CA8: variants seen among roughly 807,000 people sequenced by gnomAD.
The protein encoded by CA8 is carbonic anhydrase 8 (inactive).
CA8 carries 22 observed loss-of-function variants against 41.4 expected under a neutral mutation model. That is an observed-to-expected ratio of 0.53 (90% CI 0.38 to 0.76). The LOEUF (loss-of-function observed/expected upper bound fraction) is 0.76. CA8 is among the 30% of genes least tolerant of loss of function. The pLI is 0.00. For missense variants in CA8, 270 were observed against 352.8 expected (o/e 0.77, Z 1.88); for synonymous variants, 121 against 130.6 (o/e 0.93, Z 0.50).
chr8:60,248,348 C>G (rs1445370883), intron 3 of CA8, among the ~76,000 whole-genome samples: 3 of 152,214 alleles, frequency 2.0e-5, no homozygotes, highest in East Asian at 3.9e-4. Context: ...CTGAATGGTA[C>G]TGCCTTGGTT....
intron 3 of CA8, among the ~76,000 whole-genome samples, chr8:60,237,861 C>T (rs893798555): frequency 1.3e-5 from 2 of 152,240 alleles, no homozygotes; most frequent in East Asian, 3.8e-4. Flanking sequence ...AACTCTTCCC[C>T]CCAGCCCACC....
chr8:60,202,848 A>G (rs1414938362), intron 8 of CA8, among the ~76,000 whole-genome samples: 2 of 152,190 alleles, frequency 1.3e-5, no homozygotes, highest in African/African-American at 2.4e-5. Flanking sequence ...ATACTATACC[A>G]TACCCTCTTG....
At chr8:60,241,748 T>TAA (rs551527814) in intron 3 of CA8, among the ~76,000 whole-genome samples, 11 of 144,988 alleles carry the variant, frequency 7.6e-5, no homozygotes, top group East Asian at 2.0e-4. Flanking sequence ...TTTTATTTTC[T>TAA]AAAAAAAAAA....
intron 8 of CA8, among the ~76,000 whole-genome samples, chr8:60,200,262 C>A (rs1322178142): frequency 3.3e-5 from 5 of 152,304 alleles, no homozygotes; most frequent in East Asian, 1.9e-4. Flanking sequence ...AAATAAATTT[C>A]TGTTGCTTAG....
chr8:60,258,118 G>A (rs374267962), intron 3 of CA8, among the ~76,000 whole-genome samples: 2 of 152,132 alleles, frequency 1.3e-5, no homozygotes, highest in African/African-American at 2.4e-5. Context: ...CACTGTACAC[G>A]CTCCCTGCCC....
intron 8 of CA8, among the ~76,000 whole-genome samples, chr8:60,190,957 T>TATATATATATATATATAC (rs1554573722): frequency 3.1e-4 from 32 of 104,236 alleles, no homozygotes; most frequent in African/African-American, 1.0e-3. Context: ...TATATATATA[T>TATATATATATATATATAC]ACACACACAC....
chr8:60,281,117 C>G lies in CA8; in HGVS notation c.31G>C (p.Val11Leu), dbSNP rs1393483372. MADLSFIEDT[V>L]AFPEKEEDEE... ...TCCTCTTCCTTCTCGGGGAAGGCGA[C>G]GGTATCTTCGATGAAGCTCAGGTCC... Residue 11 changes from valine (V) to leucine (L), a missense_variant, in exon 1 of 9, where the codon GTC (valine) becomes CTC (leucine). Val to Leu is a conservative substitution (Grantham distance 32, BLOSUM62 1). Coordinates refer to ENST00000317995, the MANE Select transcript of CA8 (RefSeq NM_004056.6). 5.0e-6 allele frequency: 8 copies of G among 1,594,104 alleles called. No individual in the cohort carries two copies. Among genetic ancestry groups the G allele is most frequent in the Non-Finnish European group, 6.8e-6 (8 of 1,171,716 alleles).
chr8:60,230,845 A>C (rs1358064829), intron 4 of CA8, among the ~76,000 whole-genome samples: 1 of 152,234 alleles, frequency 6.6e-6, no homozygotes, highest in Non-Finnish European at 1.5e-5. Flanking sequence ...TCACCTGTTA[A>C]ATGCTAAGAA....
chr8:60,226,439 T>C (rs944111451), intron 5 of CA8, among the ~76,000 whole-genome samples: 3 of 152,188 alleles, frequency 2.0e-5, no homozygotes, highest in African/African-American at 4.8e-5. Flanking sequence ...ATGTGACTTA[T>C]GGCGAAGAGG....
chr8:60,208,864 C>T lies in CA8; in HGVS notation c.794G>A (p.Gly265Asp). The change falls in exon 8 of 9, where the codon GGC becomes GAC. Residue 265 changes from glycine (G) to aspartate (D), a missense_variant. Physicochemically the swap from Gly to Asp is moderately conservative, Grantham distance 94. Around this residue, in one of 3 missense-constraint regions of CA8, gnomAD observed 141 missense variants for 191.6 expected, o/e 0.74. Coordinates refer to ENST00000317995, the MANE Select transcript of CA8 (RefSeq NM_004056.6). ...GTTGTCTCCCAAAATCCCATCACAG[C>T]CTTCCACAAGTTCTGCCCCCTTAAC... ...THVKGAELVE[G>D]CDGILGDNFR... The T allele has an allele frequency of 1.2e-6, 2 of 1,614,126 alleles. No homozygotes were observed. The highest frequency in any genetic ancestry group is 1.7e-6 in the Non-Finnish European group (2 of 1,180,010).
intron 7 of CA8, among the ~76,000 whole-genome samples, chr8:60,218,319 A>G (rs1220233512): frequency 6.8e-6 from 1 of 147,736 alleles, no homozygotes; most frequent in Non-Finnish European, 1.5e-5. Context: ...TTTTTTTTTT[A>G]TGTACACCTA....
At position 60,281,139 on chromosome 8, in the gene CA8, G is replaced by A. The variant is rs1227660677; in HGVS notation, c.9C>T (p.Asp3=). 5 of 1,569,490 alleles carry A rather than the reference G, an allele frequency of 3.2e-6. No homozygotes were observed. The Admixed American group carries it at 7.3e-5, about 23-fold the overall frequency. MA[D]LSFIEDTVAF... ...CGACGGTATCTTCGATGAAGCTCAG[G>A]TCCGCCATGGGAAGGCCGCGGGGCC... The change falls in exon 1 of 9, where the codon GAC becomes GAT. Residue 3 remains aspartate, a synonymous_variant. Transcript: ENST00000317995.
intron 7 of CA8, among the ~76,000 whole-genome samples, chr8:60,212,155 G>A (rs1442612523): frequency 2.0e-5 from 3 of 152,128 alleles, no homozygotes; most frequent in Admixed American, 2.0e-4. Context: ...TTCTTTGAAC[G>A]ACAGGTGCAC....
Position 60,188,576 on chromosome 8 carries a change from T to C in CA8, c.*1445A>G, listed in dbSNP as rs1037566306. ...GTAACCATGCTTCACCGTTTCCTCATTGTTGGACACTAGGAACTGTTATAC... is the reference window on the plus strand; with the variant it reads ...GTAACCATGCTTCACCGTTTCCTCACTGTTGGACACTAGGAACTGTTATAC... On this transcript the variant is annotated 3_prime_UTR_variant, in exon 9 of 9. Coordinates refer to ENST00000317995, the MANE Select transcript of CA8 (RefSeq NM_004056.6). 2.6e-5 allele frequency: 4 copies of C among 152,232 alleles called. No individual in the cohort carries two copies. The highest frequency in any genetic ancestry group is 5.9e-5 in the Non-Finnish European group (4 of 68,058). The allele number at this position is 152,232 out of a possible 1,614,324, so 9.4% of individuals were successfully genotyped here. A position where few individuals can be genotyped will look rare whatever the true frequency, so the allele number is the denominator to read the frequency against.
In CA8 at chr8:60,226,953, TAAACCACAACCAC is replaced by T. The variant is rs747974394; in HGVS notation, c.514-31_514-19del. ...TTTCCTATCTGAAAAACATAAAGCA[TAAACCACAACCAC>T]AACATTTTTCAGTGTTTAGCTTTAA... On this transcript the variant is annotated intron_variant, in intron 4 of 8. Coordinates refer to ENST00000317995, the MANE Select transcript of CA8 (RefSeq NM_004056.6). The T allele has an allele frequency of 4.3e-5, 68 of 1,574,150 alleles. No individual in the cohort carries two copies. Among genetic ancestry groups the T allele is most frequent in the Non-Finnish European group, 5.7e-5 (65 of 1,144,678 alleles).
At chr8:60,260,977 T>C (rs895644511) in intron 3 of CA8, among the ~76,000 whole-genome samples, 1 of 152,080 alleles carries the variant, frequency 6.6e-6, no homozygotes, top group African/African-American at 2.4e-5. Context: ...AAAATAAATC[T>C]TTCTGGGAGG....
chr8:60,236,797 T>A (rs1807844746), intron 3 of CA8, among the ~76,000 whole-genome samples: 1 of 152,172 alleles, frequency 6.6e-6, no homozygotes, highest in South Asian at 2.1e-4. Flanking sequence ...TATTAACAAA[T>A]ACATATATTA....
intron 8 of CA8, among the ~76,000 whole-genome samples, chr8:60,195,322 G>A (rs564562709): frequency 6.6e-6 from 1 of 152,162 alleles, no homozygotes; most frequent in Admixed American, 6.5e-5. Flanking sequence ...GAGGCCCAAG[G>A]GAATGAGTGC....
chr8:60,230,651 C>T (rs1185361915), intron 4 of CA8, among the ~76,000 whole-genome samples: 1 of 151,234 alleles, frequency 6.6e-6, no homozygotes, highest in African/African-American at 2.4e-5. Flanking sequence ...TGTGATTTCA[C>T]TCTCTCCTGA....
Sources: allele counts gnomAD v4.1 joint callset (sites outside exome capture counted in the v4.1 genomes callset), GRCh38; gene constraint gnomAD v4.1.1; regional missense constraint gnomAD v4.1.1; transcripts MANE v1.5; gene names NCBI Gene and HGNC (gene_info 2026-07-23, HGNC 2026-07-21).